PML: variants seen among roughly 807,000 people sequenced by gnomAD.
PML encodes the protein protein PML.
PML carries 28 observed loss-of-function variants against 65.2 expected under a neutral mutation model. That is an observed-to-expected ratio of 0.43 (90% CI 0.32 to 0.59). PML has a LOEUF of 0.59. Ranked by LOEUF, PML falls within the 20% of genes least tolerant of loss-of-function variation. The pLI, the probability that PML is intolerant of heterozygous loss-of-function variation, is 0.08. For synonymous variants in PML, 500 were observed against 508.8 expected, an observed-to-expected ratio of 0.98 and a Z score of 0.23; for missense variants, 1,021 against 1,203.4, an observed-to-expected ratio of 0.85 and a Z score of 2.24.
Position 74,035,110 on chromosome 15 carries a change from G to A in PML, c.1710+580G>A, listed in dbSNP as rs1595917110. 8.7e-6 allele frequency: 10 copies of A among 1,147,120 alleles called. No homozygotes were observed. Among genetic ancestry groups the A allele is most frequent in the Non-Finnish European group, 1.2e-5 (9 of 759,650 alleles). The allele number at this position is 1,147,120 out of a possible 1,614,324, so 71.1% of individuals were successfully genotyped here. ...AAAGGGGATCTGAATAGAGTGAAAG[G>A]TTGGACTGGGTGGCCCCTGAGGTCT... On this transcript the variant is annotated intron_variant, in intron 7 of 8. Transcript: ENST00000268058. This position sits in a 1 kb window ranked among gnomAD's most constrained non-coding sequence, Gnocchi z 4.1.
intron 2 of PML, among the ~76,000 whole-genome samples, chr15:74,012,751 TTTTAC>T (rs1383473093): frequency 6.6e-6 from 1 of 152,226 alleles, no homozygotes; most frequent in Non-Finnish European, 1.5e-5. Context: ...CCACTGGTCT[TTTTAC>T]TTTAACATCA....
chr15:74,031,208 G>T, intron 4 of PML: 4 of 422,874 alleles, frequency 9.5e-6, no homozygotes, highest in South Asian at 6.9e-5. Context: ...TCCATTCTGG[G>T]CATTGCATGT....
chr15:74,020,453 T>C (rs11072468), intron 2 of PML, among the ~76,000 whole-genome samples: 32,058 of 151,892 alleles, frequency 0.21, 3,703 homozygotes, highest in South Asian at 0.27. Flanking sequence ...CCAAGACTTA[T>C]TCTTATCACT....
At chr15:74,027,761 AC>A (rs2071145573) in intron 4 of PML, 1 of 152,226 alleles carries the variant, frequency 6.6e-6, no homozygotes, top group Admixed American at 6.5e-5. Flanking sequence ...AGCAGTTTGA[AC>A]TTGGAGTATC....
Position 74,033,366 on chromosome 15 carries a change from G to A in PML, c.1609G>A (p.Val537Ile), listed in dbSNP as rs767138681. 6.2e-6 allele frequency: 10 copies of A among 1,613,580 alleles called. No individual in the cohort carries two copies. The South Asian group carries it at 1.1e-4, about 18-fold the overall frequency. Residue 537 changes from valine to isoleucine, a missense_variant, in exon 6 of 9, where the codon GTC becomes ATC. Coordinates refer to ENST00000268058, the MANE Select transcript of PML (RefSeq NM_033238.3). ...SPRSPVIGSEVFLPNSNHVAS... is the reference protein window; with the variant it reads ...SPRSPVIGSEIFLPNSNHVAS... ...CAGGAGCCCCGTCATAGGAAGTGAG[G>A]TCTTCCTGCCCAACAGCAACCACGT...
rs978153419 is a variant in PML, at chr15:74,017,384, C to A, written c.603-5444C>A. Among the ~76,000 whole-genome samples the A allele has an allele frequency of 2.0e-5, 3 of 152,236 alleles. No individual in the cohort carries two copies. In the East Asian group the frequency reaches 5.8e-4, roughly 30 times the overall value. On this transcript the variant is annotated intron_variant, in intron 2 of 8. Transcript: ENST00000268058. ...GCTGCTGGCTGGGCGCAGTGGCTCA[C>A]GCCTGTGATCCCAGCACTTTGGGAG...
intron 2 of PML, 87 bp downstream of exon 2, chr15:73,998,563 G>A: frequency 8.6e-7 from 1 of 1,164,206 alleles, no homozygotes; most frequent in East Asian, 2.5e-5. Context: ...TCACACAGCT[G>A]AGGACAAGGA....
chr15:74,029,250 A>G (rs1252661760), intron 4 of PML, among the ~76,000 whole-genome samples: 1 of 152,042 alleles, frequency 6.6e-6, no homozygotes, highest in Non-Finnish European at 1.5e-5. Flanking sequence ...TTTGACCACT[A>G]TCCTCTATTG....
intron 2 of PML, among the ~76,000 whole-genome samples, chr15:73,999,511 G>T (rs1007294054): frequency 2.0e-5 from 3 of 152,112 alleles, no homozygotes; most frequent in Admixed American, 2.0e-4. Flanking sequence ...TCAACAGCTG[G>T]TATCACCACG....
chr15:74,036,291 C>A, intron 7 of PML: 1 of 1,464,122 alleles, frequency 6.8e-7, no homozygotes, highest in Non-Finnish European at 9.0e-7. Context: ...CACCCCAAGC[C>A]TCTCCACTAG....
intron 6 of PML, chr15:74,033,654 G>T: frequency 1.5e-6 from 1 of 676,382 alleles, no homozygotes; most frequent in South Asian, 1.5e-5. Flanking sequence ...AGTTCTATGA[G>T]TCCTTTCTCC....
In PML at chr15:74,024,919, G is replaced by T. The variant is rs766326578; in HGVS notation, c.1246G>T (p.Val416Phe). The part of the protein sequence containing the change: ...AASTPRDPID[V>F]DLPEEAERVK... ...CAGCACTCCCAGGGACCCTATTGAC[G>T]TTGACCTGGTGAGATGGGTTTGAGG... is the stretch of plus-strand genomic sequence containing the variant. Residue 416 changes from valine (V) to phenylalanine (F), a missense_variant, in exon 4 of 9, where the codon GTT (valine) becomes TTT (phenylalanine). Coordinates refer to ENST00000268058, the MANE Select transcript of PML (RefSeq NM_033238.3). 1 of 1,612,502 alleles carries T rather than the reference G, an allele frequency of 6.2e-7. No individual in the cohort carries two copies. Among genetic ancestry groups the T allele is most frequent in the Non-Finnish European group, 8.5e-7 (1 of 1,178,584 alleles).
chr15:74,039,044 T>C (rs1550435), intron 7 of PML, among the ~76,000 whole-genome samples: 68,756 of 152,108 alleles, frequency 0.45, 15,793 homozygotes, highest in African/African-American at 0.51. Flanking sequence ...GATAGGTGTT[T>C]TCACCCACTC....
chr15:74,018,866 C>T (rs1025709864), intron 2 of PML, among the ~76,000 whole-genome samples: 2 of 152,148 alleles, frequency 1.3e-5, no homozygotes, highest in Non-Finnish European at 2.9e-5. Flanking sequence ...TCTGAAGATA[C>T]GGTTAAGTCT....
At chr15:74,022,777 G>A in intron 2 of PML, 51 bp from the exon 3 acceptor site, 3 of 1,434,332 alleles carry the variant, frequency 2.1e-6, no homozygotes, top group Non-Finnish European at 2.9e-6. Flanking sequence ...AACGTTTTAA[G>A]AGGAAAAAGT....
chr15:74,033,082 C>A, intron 5 of PML, 74 bp from the exon 6 acceptor site: 3 of 1,554,554 alleles, frequency 1.9e-6, no homozygotes, highest in Non-Finnish European at 2.7e-6. Flanking sequence ...CCACAAGTCC[C>A]TGGCAGTCAG....
intron 2 of PML, among the ~76,000 whole-genome samples, chr15:74,004,746 A>T (rs1437872559): frequency 6.8e-6 from 1 of 146,838 alleles, no homozygotes; most frequent in Non-Finnish European, 1.5e-5. Context: ...GAGATAGAGT[A>T]TTGCTCTTGG....
At chr15:74,039,086 T>C (rs2071639826) in intron 7 of PML, among the ~76,000 whole-genome samples, 1 of 152,142 alleles carries the variant, frequency 6.6e-6, no homozygotes, top group Non-Finnish European at 1.5e-5. Context: ...GGTGCCTTGG[T>C]GGCAGCAGCA....
At chr15:74,036,903 C>T (rs1024723096) in intron 7 of PML, 43 of 982,660 alleles carry the variant, frequency 4.4e-5, no homozygotes, top group East Asian at 2.3e-4. Flanking sequence ...AGACTCTGAC[C>T]GCAGCCTCCT....
Sources: gnomAD v4.1 joint callset for allele counts (sites outside exome capture counted in the v4.1 genomes callset) on GRCh38, gnomAD v4.1.1 for gene constraint, Gnocchi (gnomAD v3.1) non-coding constraint, MANE v1.5 for transcripts, NCBI Gene and HGNC (gene_info 2026-07-23, HGNC 2026-07-21) for gene names.